Variants in CCDC33 observed in about 807,000 individuals in gnomAD.
CCDC33 encodes the protein coiled-coil domain-containing protein 33.
A neutral mutation model predicts 91.9 loss-of-function variants in CCDC33; 94 were observed. The observed-to-expected ratio is 1.02, with a 90% CI of 0.87 to 1.21. CCDC33 has a LOEUF of 1.21. Among genes scored for constraint, CCDC33 ranks in the 50% most tolerant of loss-of-function variants. The pLI is 0.00. For missense variants in CCDC33, 940 were observed against 935.5 expected (o/e 1.00, Z -0.06); for synonymous variants, 396 against 374.5 (o/e 1.06, Z -0.66).
At chr15:74,266,318 C>T (rs1047949806) in intron 3 of CCDC33, among the ~76,000 whole-genome samples, 1 of 152,206 alleles carries the variant, frequency 6.6e-6, no homozygotes, top group Non-Finnish European at 1.5e-5. Flanking sequence ...GAAAGAGGTG[C>T]TATGCCTGCT....
downstream of CCDC33, chr15:74,336,302 G>A: frequency 7.1e-7 from 1 of 1,408,542 alleles, no homozygotes; most frequent in South Asian, 1.2e-5. Flanking sequence ...AGTGGACCCA[G>A]GAGGGTGGAG....
chr15:74,335,003 G>C lies in CCDC33; in HGVS notation c.2054G>C (p.Arg685Pro), dbSNP rs552015851. 8 of 1,614,090 alleles carry C rather than the reference G, an allele frequency of 5.0e-6. 1 individual carries two copies. Among genetic ancestry groups the C allele is most frequent in the Non-Finnish European group, 4.2e-6 (5 of 1,179,980 alleles). The change falls in exon 18 of 19, where the codon CGA becomes CCA. Residue 685 changes from arginine to proline, a missense_variant. Transcript: ENST00000398814. ...GAGGACTCAGCTCGACGCTGGGGAC[G>C]AGAGAAGCAGGATCTGGCCACACGG... ...QLEDSARRWG[R>P]EKQDLATRLQ...
At chr15:74,232,102 G>C (rs2074992571), upstream of CCDC33, among the ~76,000 whole-genome samples, 1 of 152,220 alleles carries the variant, frequency 6.6e-6, no homozygotes, top group Non-Finnish European at 1.5e-5. Context: ...CTCTTGGCAT[G>C]AGACCTGGCA....
rs780957055 is a variant in CCDC33, at chr15:74,262,584, G to T, written c.319+11G>T. The T allele has an allele frequency of 6.2e-7, 1 of 1,610,156 alleles. No homozygotes were observed. The highest frequency in any genetic ancestry group is 8.5e-7 in the Non-Finnish European group (1 of 1,178,390). Reference sequence around the variant, plus strand: ...ATGCAGGGCAAGAAGGTAAGCAGGGGCTGGGCAGGGCCGGCATGTGCAGGC... The same window carrying T: ...ATGCAGGGCAAGAAGGTAAGCAGGGTCTGGGCAGGGCCGGCATGTGCAGGC... On this transcript the variant is annotated intron_variant, in intron 3 of 18. Coordinates refer to ENST00000398814, the MANE Select transcript of CCDC33 (RefSeq NM_025055.5).
chr15:74,226,021 G>T (rs2142174862), intron 2 of CCDC33, among the ~76,000 whole-genome samples: 1 of 152,328 alleles, frequency 6.6e-6, no homozygotes, highest in Non-Finnish European at 1.5e-5. Flanking sequence ...CCTGCCCTGG[G>T]CTCCAAAGGT....
At chr15:74,307,644 A>G (rs763978091) in intron 11 of CCDC33, among the ~76,000 whole-genome samples, 18 of 152,070 alleles carry the variant, frequency 1.2e-4, no homozygotes, top group African/African-American at 1.7e-4. Flanking sequence ...AAACACCAAG[A>G]CAAGCTCTGT....
chr15:74,294,181 A>T (rs1328215651), intron 10 of CCDC33, among the ~76,000 whole-genome samples: 5 of 152,150 alleles, frequency 3.3e-5, no homozygotes, highest in African/African-American at 1.2e-4. Flanking sequence ...CAGTGTGCCC[A>T]TTGCTCTATT....
intron 10 of CCDC33, among the ~76,000 whole-genome samples, chr15:74,283,820 C>CACACACA (rs56079858): frequency 0.58 from 86,283 of 147,758 alleles, 27,574 homozygotes; most frequent in Non-Finnish European, 0.75. Flanking sequence ...ACACACACAC[C>CACACACA]CCCTCTACAT....
chr15:74,219,655 C>T (rs1027601628), intron 2 of CCDC33, among the ~76,000 whole-genome samples: 1 of 152,144 alleles, frequency 6.6e-6, no homozygotes, highest in East Asian at 1.9e-4. Flanking sequence ...TGACTAGGAA[C>T]GGCTTCTTGG....
intron 5 of CCDC33, among the ~76,000 whole-genome samples, chr15:74,269,469 G>T (rs2930308): frequency 6.6e-6 from 1 of 151,994 alleles, no homozygotes; most frequent in African/African-American, 2.4e-5. Context: ...TCTGATGCCA[G>T]CATATCAGAC....
At chr15:74,242,781 C>G (rs1452872987) in intron 1 of CCDC33, among the ~76,000 whole-genome samples, 1 of 152,076 alleles carries the variant, frequency 6.6e-6, no homozygotes, top group African/African-American at 2.4e-5. Context: ...GGCCACACCC[C>G]TCCCCACCCC....
At chr15:74,329,287 A>G (rs1369035055) in intron 11 of CCDC33, among the ~76,000 whole-genome samples, 1 of 152,002 alleles carries the variant, frequency 6.6e-6, no homozygotes, top group Non-Finnish European at 1.5e-5. Context: ...GTGTCCACAT[A>G]TGGAGGCCTC....
chr15:74,261,920 G>A (rs1013180882), intron 2 of CCDC33, among the ~76,000 whole-genome samples: 15 of 152,246 alleles, frequency 9.9e-5, no homozygotes, highest in African/African-American at 2.9e-4. Flanking sequence ...CAGGATGTGC[G>A]TGCTTCATTG....
chr15:74,315,518 C>T (rs916097736), intron 11 of CCDC33, among the ~76,000 whole-genome samples: 2 of 152,240 alleles, frequency 1.3e-5, no homozygotes, highest in Admixed American at 1.3e-4. Context: ...CATCAGGTGA[C>T]TGGTGGTGAA....
chr15:74,241,036 G>T (rs540158905), intron 1 of CCDC33, among the ~76,000 whole-genome samples: 41 of 152,328 alleles, frequency 2.7e-4, no homozygotes, highest in African/African-American at 9.6e-4. Context: ...CTACCCAGGA[G>T]GGCAGGGAAC....
chr15:74,311,562 C>T (rs566358181), intron 11 of CCDC33: 7 of 152,272 alleles, frequency 4.6e-5, no homozygotes, highest in Admixed American at 2.0e-4. Flanking sequence ...GGGGATGCAA[C>T]CATGGGAGTT....
rs1347004079 is a variant in CCDC33, at chr15:74,332,674, T to C, written c.1772-5T>C. On this transcript the variant is annotated splice_region_variant and splice_polypyrimidine_tract_variant and intron_variant, in intron 15 of 18. Transcript: ENST00000398814. ...TCTCACCAACATCTGTGGCCGTGTCTCTAGGCTTCCCTATGCTCTCAGCCT... is the reference window on the plus strand; with the variant it reads ...TCTCACCAACATCTGTGGCCGTGTCCCTAGGCTTCCCTATGCTCTCAGCCT... 10 of 1,613,502 alleles carry C rather than the reference T, an allele frequency of 6.2e-6. No homozygotes were observed. The highest frequency in any genetic ancestry group is 6.8e-6 in the Non-Finnish European group (8 of 1,179,602).
intron 10 of CCDC33, among the ~76,000 whole-genome samples, chr15:74,287,279 A>G (rs2059493437): frequency 6.6e-6 from 1 of 151,990 alleles, no homozygotes. Flanking sequence ...ATCTGTGAAA[A>G]CACTACCATA....
At chr15:74,221,442 G>A in intron 2 of CCDC33, 2 of 430,892 alleles carry the variant, frequency 4.6e-6, no homozygotes, top group African/African-American at 2.1e-5. Flanking sequence ...CACGGCCCCT[G>A]GGTTACACAG....
Sources: allele counts gnomAD v4.1 joint callset (sites outside exome capture counted in the v4.1 genomes callset), GRCh38; gene constraint gnomAD v4.1.1; transcripts MANE v1.5; gene names NCBI Gene and HGNC (gene_info 2026-07-23, HGNC 2026-07-21).